GABRB2: variants seen among roughly 807,000 people sequenced by gnomAD.
The protein encoded by GABRB2 is gamma-aminobutyric acid type A receptor subunit beta2.
In GABRB2, 16 loss-of-function variants were observed where a neutral mutation model predicts 54.7. The ratio of observed to expected loss-of-function variants is 0.29; its 90% CI spans 0.20 to 0.44. The LOEUF is 0.44. GABRB2 is among the 20% of genes least tolerant of loss of function. The pLI is 1.00. For synonymous variants in GABRB2, 244 were observed against 233.8 expected, an observed-to-expected ratio of 1.04 and a Z score of -0.40; for missense variants, 355 against 644.0, an observed-to-expected ratio of 0.55 and a Z score of 4.86.
chr5:161,318,535 C>G (rs777303550), intron 9 of GABRB2, among the ~76,000 whole-genome samples: 1 of 151,946 alleles, frequency 6.6e-6, no homozygotes, highest in Non-Finnish European at 1.5e-5. Context: ...TTGTTATGCT[C>G]TAAGTTAATT....
intron 8 of GABRB2, chr5:161,327,140 A>G (rs981500864): frequency 4.5e-6 from 1 of 223,068 alleles, no homozygotes; most frequent in African/African-American, 2.3e-5. Context: ...GATCATGTTT[A>G]AACTACTCCA....
intron 5 of GABRB2, among the ~76,000 whole-genome samples, chr5:161,393,891 A>T (rs1755913593): frequency 6.6e-6 from 1 of 152,120 alleles, no homozygotes; most frequent in Non-Finnish European, 1.5e-5. Context: ...CACATTAACC[A>T]TTTTGATCTA....
intron 5 of GABRB2, among the ~76,000 whole-genome samples, chr5:161,397,741 G>C (rs1756048495): frequency 6.6e-6 from 1 of 152,150 alleles, no homozygotes; most frequent in African/African-American, 2.4e-5. Context: ...GACCAGTTCT[G>C]ACAGTGCTCG....
chr5:161,537,969 T>G (rs1348481614), intron 3 of GABRB2, among the ~76,000 whole-genome samples: 1 of 151,876 alleles, frequency 6.6e-6, no homozygotes, highest in African/African-American at 2.4e-5. Flanking sequence ...ATCCACACAC[T>G]TCTAACCCCC....
At chr5:161,478,458 A>G (rs1758660737) in intron 3 of GABRB2, among the ~76,000 whole-genome samples, 1 of 152,100 alleles carries the variant, frequency 6.6e-6, no homozygotes, top group Non-Finnish European at 1.5e-5. Flanking sequence ...AAGTTTTAAT[A>G]ATTAATTTTC....
chr5:161,345,293 T>A (rs892856073), intron 5 of GABRB2, among the ~76,000 whole-genome samples: 2 of 152,066 alleles, frequency 1.3e-5, no homozygotes, highest in Non-Finnish European at 2.9e-5. Context: ...GTTGATGATC[T>A]ATTTCTATGC....
At chr5:161,510,082 G>T (rs1759719568) in intron 3 of GABRB2, among the ~76,000 whole-genome samples, 1 of 151,880 alleles carries the variant, frequency 6.6e-6, no homozygotes, top group Non-Finnish European at 1.5e-5. Context: ...AAATCATGGA[G>T]ACTGGGGTAT....
At chr5:161,372,681 T>C (rs1363700) in intron 5 of GABRB2, among the ~76,000 whole-genome samples, 1 of 152,198 alleles carries the variant, frequency 6.6e-6, no homozygotes, top group African/African-American at 2.4e-5. Context: ...ACTCAATGCT[T>C]ACTCTGTTCC....
chr5:161,546,491 T>C, intron 1 of GABRB2, 76 bp downstream of exon 1: 1 of 1,571,306 alleles, frequency 6.4e-7, no homozygotes, highest in Non-Finnish European at 8.7e-7. Flanking sequence ...CCCTACTACA[T>C]TTCCCTGCTC....
At chr5:161,466,958 T>C (rs1758298974) in intron 3 of GABRB2, among the ~76,000 whole-genome samples, 2 of 152,098 alleles carry the variant, frequency 1.3e-5, no homozygotes, top group African/African-American at 4.8e-5. Flanking sequence ...GACAATAAGA[T>C]AGCAGGGTAA....
At chr5:161,370,873 A>C in intron 5 of GABRB2, among the ~76,000 whole-genome samples, 1 of 152,208 alleles carries the variant, frequency 6.6e-6, no homozygotes, top group Admixed American at 6.5e-5. Flanking sequence ...CATGTGAACA[A>C]GTAACCCCAG....
chr5:161,401,785 C>A (rs557789852), intron 5 of GABRB2, among the ~76,000 whole-genome samples: 2 of 152,042 alleles, frequency 1.3e-5, no homozygotes, highest in African/African-American at 4.8e-5. Flanking sequence ...TTCTCTATGA[C>A]GTGCAAACTG....
intron 9 of GABRB2, among the ~76,000 whole-genome samples, chr5:161,302,724 A>G (rs1314141493): frequency 1.3e-5 from 2 of 152,170 alleles, no homozygotes; most frequent in Non-Finnish European, 2.9e-5. Flanking sequence ...TAAGCAATGG[A>G]CTGTTAATCC....
At chr5:161,464,289 C>T (rs1419137715) in intron 3 of GABRB2, among the ~76,000 whole-genome samples, 3 of 151,982 alleles carry the variant, frequency 2.0e-5, no homozygotes, top group African/African-American at 7.2e-5. Flanking sequence ...AAGATGTGAA[C>T]AGACACTTAA....
chr5:161,381,456 G>A (rs377323346), intron 5 of GABRB2, among the ~76,000 whole-genome samples: 4 of 152,098 alleles, frequency 2.6e-5, no homozygotes, highest in East Asian at 3.9e-4. Flanking sequence ...AAAGACTCAG[G>A]GTGGGGAATT....
At chr5:161,495,294 C>T (rs1263074416) in intron 3 of GABRB2, among the ~76,000 whole-genome samples, 1 of 151,466 alleles carries the variant, frequency 6.6e-6, no homozygotes, top group Non-Finnish European at 1.5e-5. Flanking sequence ...TTATTTGAAA[C>T]CTAAGTTTGT....
chr5:161,391,461 GAT>G (rs1177234392), intron 5 of GABRB2, among the ~76,000 whole-genome samples: 1 of 152,172 alleles, frequency 6.6e-6, no homozygotes, highest in Non-Finnish European at 1.5e-5. Flanking sequence ...TAATCACTGA[GAT>G]ATTCTCCTGG....
chr5:161,366,919 G>C (rs1754989425), intron 5 of GABRB2, among the ~76,000 whole-genome samples: 1 of 152,158 alleles, frequency 6.6e-6, no homozygotes, highest in Non-Finnish European at 1.5e-5. Context: ...ATGCACTCCA[G>C]CCTGGGCAAC....
At chr5:161,333,210 T>C (rs1458243202) in intron 7 of GABRB2, among the ~76,000 whole-genome samples, 1 of 152,200 alleles carries the variant, frequency 6.6e-6, no homozygotes, top group Non-Finnish European at 1.5e-5. Flanking sequence ...AAATGGGATA[T>C]TTGCAAATTT....
Sources: allele counts gnomAD v4.1 joint callset (sites outside exome capture counted in the v4.1 genomes callset), GRCh38; gene constraint gnomAD v4.1.1; transcripts MANE v1.5; gene names NCBI Gene and HGNC (gene_info 2026-07-23, HGNC 2026-07-21).